The following PDE1C variants were observed in gnomAD, a reference collection of about 807,000 sequenced individuals.
The protein encoded by PDE1C is phosphodiesterase 1C, also known as dual specificity calcium/calmodulin-dependent 3',5'-cyclic nucleotide phosphodiesterase 1C.
In PDE1C, 62 loss-of-function variants were observed where a neutral mutation model predicts 93.1. That is an observed-to-expected ratio of 0.67 (90% CI 0.54 to 0.82). The LOEUF (loss-of-function observed/expected upper bound fraction) is 0.82. Among genes scored for constraint, PDE1C ranks in the 40% least tolerant of loss-of-function variants. The pLI is 0.00. For missense variants in PDE1C, 742 were observed against 884.6 expected (o/e 0.84, Z 2.04); for synonymous variants, 325 against 310.1 (o/e 1.05, Z -0.50).
intron 2 of PDE1C, among the ~76,000 whole-genome samples, chr7:32,015,430 T>C (rs1787760440): frequency 6.6e-6 from 1 of 152,150 alleles, no homozygotes; most frequent in Non-Finnish European, 1.5e-5. Context: ...TTTATTTCCC[T>C]GTCAGTTAAG....
At chr7:31,786,776 A>G (rs1395192428) in intron 16 of PDE1C, 1 of 152,200 alleles carries the variant, frequency 6.6e-6, no homozygotes, top group Non-Finnish European at 1.5e-5. Flanking sequence ...CACTATGAGA[A>G]AAAGATTTCA....
intron 9 of PDE1C, among the ~76,000 whole-genome samples, chr7:31,839,556 C>G (rs1018712784): frequency 6.6e-6 from 1 of 152,080 alleles, no homozygotes; most frequent in African/African-American, 2.4e-5. Flanking sequence ...TATGAGCATA[C>G]CACAGTTTGT....
chr7:32,267,125 A>T (rs62457471), intron 1 of PDE1C, among the ~76,000 whole-genome samples: 2 of 152,188 alleles, frequency 1.3e-5, no homozygotes, highest in Admixed American at 1.3e-4. Context: ...CAAAGCCCTG[A>T]GCAGCGGCGG....
intron 2 of PDE1C, among the ~76,000 whole-genome samples, chr7:32,191,899 A>G (rs953130694): frequency 5.9e-5 from 9 of 152,168 alleles, no homozygotes; most frequent in African/African-American, 2.2e-4. Context: ...CTGTTCGGGT[A>G]GGTGTGCAGT....
At chr7:32,199,064 A>C (rs1316548552) in intron 2 of PDE1C, among the ~76,000 whole-genome samples, 1 of 152,082 alleles carries the variant, frequency 6.6e-6, no homozygotes, top group African/African-American at 2.4e-5. Flanking sequence ...CGGAGGTTGC[A>C]GTGAACCAAG....
At chr7:31,781,485 T>C (rs1394849382) in intron 16 of PDE1C, among the ~76,000 whole-genome samples, 1 of 152,206 alleles carries the variant, frequency 6.6e-6, no homozygotes, top group Non-Finnish European at 1.5e-5. Context: ...CACAGACCTC[T>C]GATCATTATT....
At chr7:31,619,637 C>A in the PDE1C span, among the ~76,000 whole-genome samples, 2 of 151,888 alleles carry the variant, frequency 1.3e-5, no homozygotes, top group Non-Finnish European at 2.9e-5. Context: ...CCAAGATGGC[C>A]GAATAGGAAC....
chr7:32,298,892 T>G (rs886373367), exon 1 of PDE1C: 3 of 1,370,868 alleles, frequency 2.2e-6, no homozygotes, highest in African/African-American at 1.5e-5. Flanking sequence ...GCTGAGCGCC[T>G]GGAGACAACA....
At chr7:32,154,826 G>A (rs1363028811) in intron 3 of PDE1C, among the ~76,000 whole-genome samples, 2 of 152,248 alleles carry the variant, frequency 1.3e-5, no homozygotes, top group Non-Finnish European at 2.9e-5. Context: ...GAGGTCTTCG[G>A]AGGCAAATGT....
intron 2 of PDE1C, among the ~76,000 whole-genome samples, chr7:32,205,824 C>T (rs1805425496): frequency 6.6e-6 from 1 of 152,114 alleles, no homozygotes; most frequent in African/African-American, 2.4e-5. Context: ...ACAGTCATTG[C>T]CAAGGTCTGC....
intron 7 of PDE1C, among the ~76,000 whole-genome samples, chr7:31,859,512 T>C (rs1183565417): frequency 3.3e-5 from 5 of 151,242 alleles, no homozygotes; most frequent in Non-Finnish European, 7.4e-5. Flanking sequence ...TACAATAGCC[T>C]GTAATGTTAT....
At chr7:32,130,759 T>C (rs1799871918) in intron 3 of PDE1C, among the ~76,000 whole-genome samples, 1 of 151,972 alleles carries the variant, frequency 6.6e-6, no homozygotes, top group Non-Finnish European at 1.5e-5. Flanking sequence ...TTAAATAACA[T>C]CACCATGCAC....
chr7:31,832,376 G>A (rs1044075648), intron 11 of PDE1C, among the ~76,000 whole-genome samples: 2 of 152,156 alleles, frequency 1.3e-5, no homozygotes, highest in Non-Finnish European at 2.9e-5. Context: ...AAAGTACCCT[G>A]AGGCAGTGGC....
intron 1 of PDE1C, among the ~76,000 whole-genome samples, chr7:32,387,670 G>A (rs1453581385): frequency 0.011 from 1,505 of 141,276 alleles, 3 homozygotes; most frequent in African/African-American, 0.04. Flanking sequence ...CGGCTGGCCG[G>A]GCGGGGGGCT....
At chr7:31,695,589 C>A in the PDE1C span, 1 of 1,613,690 alleles carries the variant, frequency 6.2e-7, no homozygotes, top group African/African-American at 1.3e-5. Flanking sequence ...AGGAAAGATA[C>A]ACCGGCGCTG....
chr7:32,061,431 C>A (rs1192739416), intron 1 of PDE1C, among the ~76,000 whole-genome samples: 1 of 152,252 alleles, frequency 6.6e-6, no homozygotes, highest in Non-Finnish European at 1.5e-5. Flanking sequence ...CCAGCCATAT[C>A]CATGGAGGCA....
intron 16 of PDE1C, chr7:31,789,786 C>T: frequency 2.0e-6 from 2 of 988,620 alleles, no homozygotes; most frequent in Non-Finnish European, 2.4e-6. Context: ...CATCAGTAGC[C>T]AGTGCAAAAA....
chr7:31,639,107 G>A, the PDE1C span, among the ~76,000 whole-genome samples: 1 of 152,084 alleles, frequency 6.6e-6, no homozygotes, highest in African/African-American at 2.4e-5. Flanking sequence ...CCTTGGTGTA[G>A]TTTTCTTCAT....
intron 1 of PDE1C, among the ~76,000 whole-genome samples, chr7:32,398,376 T>G (rs1320615583): frequency 1.3e-5 from 2 of 151,746 alleles, no homozygotes; most frequent in Non-Finnish European, 2.9e-5. Context: ...CCAAGATCAC[T>G]TGGTAGGAAC....
Sources: allele counts gnomAD v4.1 joint callset (sites outside exome capture counted in the v4.1 genomes callset), GRCh38; gene constraint gnomAD v4.1.1; transcripts MANE v1.5; gene names NCBI Gene and HGNC (gene_info 2026-07-23, HGNC 2026-07-21).